Variants in TACR1 observed in about 807,000 individuals in gnomAD.
TACR1 encodes the protein tachykinin receptor 1.
Under a neutral mutation model 35.8 loss-of-function variants are expected in TACR1, and 25 were observed. The ratio of observed to expected loss-of-function variants is 0.70; its 90% CI spans 0.51 to 0.98. TACR1 has a LOEUF of 0.98. Among genes scored for constraint, TACR1 ranks in the 50% least tolerant of loss-of-function variants. TACR1 has a pLI of 0.00. For missense variants in TACR1, 478 were observed against 522.9 expected, an observed-to-expected ratio of 0.91 and a Z score of 0.84; for synonymous variants, 195 against 206.7, an observed-to-expected ratio of 0.94 and a Z score of 0.48.
intron 2 of TACR1, among the ~76,000 whole-genome samples, chr2:75,086,644 G>A (rs977865024): frequency 5.6e-4 from 85 of 152,274 alleles, no homozygotes; most frequent in African/African-American, 2.0e-3. Context: ...AAAGGGCCTG[G>A]TCAAGGTTTT....
chr2:75,198,268 A>C (rs1245260128), intron 1 of TACR1, among the ~76,000 whole-genome samples: 1 of 152,244 alleles, frequency 6.6e-6, no homozygotes, highest in Non-Finnish European at 1.5e-5. Flanking sequence ...AAGTGTCAGG[A>C]AGATGAGTGG....
intron 1 of TACR1, among the ~76,000 whole-genome samples, chr2:75,184,185 G>A (rs926770754): frequency 3.9e-5 from 6 of 152,152 alleles, no homozygotes; most frequent in African/African-American, 1.4e-4. Flanking sequence ...TTCTAGAACA[G>A]TTGAAGATTA....
chr2:75,057,062 A>G (rs987125768), intron 2 of TACR1, among the ~76,000 whole-genome samples: 2 of 152,260 alleles, frequency 1.3e-5, no homozygotes, highest in African/African-American at 2.4e-5. Context: ...TATACTTGCA[A>G]TGGAATATCA....
intron 1 of TACR1, among the ~76,000 whole-genome samples, chr2:75,129,558 T>C (rs1338030081): frequency 5.9e-5 from 9 of 152,204 alleles, no homozygotes; most frequent in Admixed American, 5.9e-4. Flanking sequence ...GATATGACCA[T>C]TACACATCGT....
chr2:75,136,975 C>T (rs541788056), intron 1 of TACR1, among the ~76,000 whole-genome samples: 6 of 152,226 alleles, frequency 3.9e-5, no homozygotes, highest in South Asian at 2.1e-4. Flanking sequence ...AATCAGATGA[C>T]GATATTCTAA....
rs111253822 is a variant in TACR1 at position 75,094,669 on chromosome 2, T to C, written c.584+25905A>G. On this transcript the variant is annotated intron_variant, in intron 2 of 4. Transcript: ENST00000305249. The stretch of plus-strand genomic sequence containing the variant: ...GTGATGATGATGGTGGTGATAGAGG[T>C]GGAGGTGGTGGAGGTGAGGAAGTGG... Among the ~76,000 whole-genome samples, 1,121 of 150,392 alleles carry C rather than the reference T, an allele frequency of 7.5e-3. 15 individuals are homozygous for C. The highest frequency in any genetic ancestry group is 0.019 in the Admixed American group (290 of 15,126).
At chr2:75,197,546 G>A (rs1219758810) in intron 1 of TACR1, among the ~76,000 whole-genome samples, 2 of 152,114 alleles carry the variant, frequency 1.3e-5, no homozygotes, top group African/African-American at 2.4e-5. Context: ...ACACATTGGA[G>A]ACCTAAGATA....
chr2:75,104,149 A>G (rs1198621735), intron 2 of TACR1, among the ~76,000 whole-genome samples: 1 of 152,100 alleles, frequency 6.6e-6, no homozygotes, highest in African/African-American at 2.4e-5. Context: ...AGACTAAAGT[A>G]TATTCTGCCT....
intron 1 of TACR1, among the ~76,000 whole-genome samples, chr2:75,184,502 A>G (rs1025346301): frequency 6.6e-6 from 1 of 151,944 alleles, no homozygotes; most frequent in Non-Finnish European, 1.5e-5. Flanking sequence ...TTTATAGACT[A>G]TGCCATTATC....
At chr2:75,176,513 T>G (rs1209116810) in intron 1 of TACR1, among the ~76,000 whole-genome samples, 1 of 152,126 alleles carries the variant, frequency 6.6e-6, no homozygotes, top group African/African-American at 2.4e-5. Context: ...ATCAAGCAAT[T>G]CCCTCATAAT....
intron 1 of TACR1, among the ~76,000 whole-genome samples, chr2:75,141,941 T>G (rs755283552): frequency 4.6e-5 from 7 of 152,230 alleles, no homozygotes; most frequent in Non-Finnish European, 8.8e-5. Flanking sequence ...TCTACAGTTT[T>G]CTAGGCCACA....
chr2:75,073,777 C>A (rs1345241607), intron 2 of TACR1, among the ~76,000 whole-genome samples: 4 of 152,120 alleles, frequency 2.6e-5, no homozygotes, highest in Non-Finnish European at 4.4e-5. Context: ...TGATGAGGCC[C>A]TGGGCAGATT....
intron 2 of TACR1, among the ~76,000 whole-genome samples, chr2:75,070,520 C>T (rs753426040): frequency 6.6e-6 from 1 of 152,156 alleles, no homozygotes; most frequent in Non-Finnish European, 1.5e-5. Context: ...TAAGAAGAAA[C>T]TAAGGAAATG....
chr2:75,194,876 C>T (rs1023955630), intron 1 of TACR1, among the ~76,000 whole-genome samples: 12 of 152,182 alleles, frequency 7.9e-5, no homozygotes, highest in African/African-American at 2.9e-4. Flanking sequence ...TTGCTATGTG[C>T]ATGGTTTCAA....
At chr2:75,074,542 C>T (rs1035786086) in intron 2 of TACR1, among the ~76,000 whole-genome samples, 2 of 152,078 alleles carry the variant, frequency 1.3e-5, no homozygotes, top group African/African-American at 4.8e-5. Flanking sequence ...TTTCCCCAGA[C>T]TGGGGAAATA....
At chr2:75,154,450 A>ACACACACACACACACACTCT (rs1362786009) in intron 1 of TACR1, 1 of 89,126 alleles carries the variant, frequency 1.1e-5, no homozygotes, top group Non-Finnish European at 2.4e-5. Flanking sequence ...ACACACACAC[A>ACACACACACACACACACTCT]CTCTGAAGAA....
intron 2 of TACR1, among the ~76,000 whole-genome samples, chr2:75,076,749 C>A (rs547038496): frequency 6.6e-6 from 1 of 152,174 alleles, no homozygotes; most frequent in African/African-American, 2.4e-5. Flanking sequence ...CTGCTTGTCT[C>A]TACATCTCTT....
intron 1 of TACR1, among the ~76,000 whole-genome samples, chr2:75,141,019 C>G (rs1674390880): frequency 6.6e-6 from 1 of 152,142 alleles, no homozygotes; most frequent in Non-Finnish European, 1.5e-5. Context: ...GGTTACAAAA[C>G]TCTCTCTTTT....
intron 1 of TACR1, among the ~76,000 whole-genome samples, chr2:75,137,707 C>A (rs1391243735): frequency 9.2e-6 from 1 of 108,488 alleles, no homozygotes. Context: ...CCAGCCTGGG[C>A]GACAGAGAGA....
Sources: gnomAD v4.1 joint callset for allele counts (sites outside exome capture counted in the v4.1 genomes callset) on GRCh38, gnomAD v4.1.1 for gene constraint, MANE v1.5 for transcripts, NCBI Gene and HGNC (gene_info 2026-07-23, HGNC 2026-07-21) for gene names.